The following GABRG2 variants were observed in gnomAD, a reference collection of about 807,000 sequenced individuals.
GABRG2 encodes gamma-aminobutyric acid type A receptor subunit gamma2.
GABRG2 carries 16 observed loss-of-function variants against 56.4 expected under a neutral mutation model. That is an observed-to-expected ratio of 0.28 (90% confidence interval 0.19 to 0.43). GABRG2 has a LOEUF of 0.43. GABRG2 is among the 20% of genes least tolerant of loss of function. GABRG2 has a pLI of 1.00. For missense variants in GABRG2, 327 were observed against 582.7 expected, an observed-to-expected ratio of 0.56 and a Z score of 4.52; for synonymous variants, 208 against 205.5, an observed-to-expected ratio of 1.01 and a Z score of -0.10.
At chr5:162,090,286 G>A (rs1041606931) in intron 1 of GABRG2, among the ~76,000 whole-genome samples, 35 of 150,704 alleles carry the variant, frequency 2.3e-4, no homozygotes, top group Non-Finnish European at 4.0e-4. Context: ...ACACTTACAC[G>A]TACATATACA....
At chr5:162,119,075 A>G (rs1355608658) in intron 6 of GABRG2, among the ~76,000 whole-genome samples, 1 of 152,132 alleles carries the variant, frequency 6.6e-6, no homozygotes, top group Non-Finnish European at 1.5e-5. Flanking sequence ...GAGAATTGAA[A>G]ATTAAACTTT....
At chr5:162,132,434 T>G (rs1763824549) in intron 6 of GABRG2, among the ~76,000 whole-genome samples, 1 of 152,024 alleles carries the variant, frequency 6.6e-6, no homozygotes, top group African/African-American at 2.4e-5. Flanking sequence ...ATTTTCTCTG[T>G]GAAATGCAGT....
intron 6 of GABRG2, among the ~76,000 whole-genome samples, chr5:162,109,482 C>A (rs1263162629): frequency 6.8e-6 from 1 of 147,890 alleles, no homozygotes; most frequent in African/African-American, 2.5e-5. Context: ...ACTTGCTTTA[C>A]TCCTCAGTCC....
chr5:162,101,371 T>C (rs1761403316), intron 5 of GABRG2, 54 bp downstream of exon 5: 2 of 1,175,322 alleles, frequency 1.7e-6, no homozygotes, highest in Non-Finnish European at 2.6e-6. Flanking sequence ...GTCTTTCTGA[T>C]TGCCATGTTA....
chr5:162,131,661 A>G (rs1763765875), intron 6 of GABRG2, among the ~76,000 whole-genome samples: 1 of 152,028 alleles, frequency 6.6e-6, no homozygotes. Context: ...GACTAAACTT[A>G]TATAGAATAA....
At position 162,081,869 on chromosome 5, in the gene GABRG2, A is replaced by G. The variant is rs552918351; in HGVS notation, c.108-11959A>G. The stretch of plus-strand genomic sequence containing the variant: ...CAGTTTAGGATTTTCTTATAAGGTT[A>G]AACATACACCTAACATATTACACAG... On this transcript the variant is annotated intron_variant, in intron 1 of 9. Transcript: ENST00000639213. Among the ~76,000 whole-genome samples the G allele has an allele frequency of 2.6e-5, 4 of 152,118 alleles. No homozygotes were observed. In the South Asian group the frequency reaches 8.3e-4, roughly 32 times the overall value.
intron 1 of GABRG2, among the ~76,000 whole-genome samples, chr5:162,078,961 T>C (rs1759425026): frequency 6.6e-6 from 1 of 150,604 alleles, no homozygotes; most frequent in Non-Finnish European, 1.5e-5. Flanking sequence ...AAAAAAATCT[T>C]TTATATATTA....
chr5:162,146,515 A>G (rs1764959206), intron 7 of GABRG2, among the ~76,000 whole-genome samples: 1 of 152,066 alleles, frequency 6.6e-6, no homozygotes, highest in Non-Finnish European at 1.5e-5. Context: ...TATCTCCCAA[A>G]AGTCATAATT....
intron 4 of GABRG2, chr5:162,100,316 A>T (rs577071306): frequency 3.6e-4 from 55 of 152,298 alleles, no homozygotes; most frequent in African/African-American, 1.1e-3. Flanking sequence ...TAATTAGAAA[A>T]TCTCTTAAAA....
intron 6 of GABRG2, among the ~76,000 whole-genome samples, chr5:162,137,525 A>G (rs994705242): frequency 1.3e-5 from 2 of 152,114 alleles, no homozygotes; most frequent in African/African-American, 4.8e-5. Context: ...TTGTATTTAT[A>G]AGTTCTTCAT....
intron 5 of GABRG2, chr5:162,102,821 A>T: frequency 4.4e-6 from 1 of 228,040 alleles, no homozygotes; most frequent in Non-Finnish European, 9.0e-6. Flanking sequence ...CCTTCTAGGG[A>T]CTCTCTCTTT....
At chr5:162,131,553 T>C (rs1763759830) in intron 6 of GABRG2, among the ~76,000 whole-genome samples, 1 of 151,936 alleles carries the variant, frequency 6.6e-6, no homozygotes, top group African/African-American at 2.4e-5. Context: ...TCTCAAACTT[T>C]GGTAGGAATA....
At chr5:162,109,461 G>A (rs1252307683) in intron 6 of GABRG2, among the ~76,000 whole-genome samples, 1 of 144,254 alleles carries the variant, frequency 6.9e-6, no homozygotes, top group Non-Finnish European at 1.5e-5. Context: ...TCTGCCTTGT[G>A]TTGCCTGGGC....
chr5:162,149,683 G>A (rs541897448), intron 8 of GABRG2: 11 of 549,572 alleles, frequency 2.0e-5, no homozygotes, highest in Middle Eastern at 3.2e-4. Flanking sequence ...GCGGGATCTC[G>A]GCTTACTGCA....
At chr5:162,112,218 A>G (rs1280367905) in intron 6 of GABRG2, among the ~76,000 whole-genome samples, 1 of 151,894 alleles carries the variant, frequency 6.6e-6, no homozygotes, top group Admixed American at 6.6e-5. Flanking sequence ...TTTAAGATTA[A>G]TATTTTTGAC....
chr5:162,103,351 T>C, intron 5 of GABRG2: 1 of 159,098 alleles, frequency 6.3e-6, no homozygotes, highest in East Asian at 1.8e-4. Flanking sequence ...TGTATTTCTG[T>C]GTATATTAAA....
chr5:162,092,098 G>A (rs1268298285), intron 1 of GABRG2, among the ~76,000 whole-genome samples: 1 of 152,054 alleles, frequency 6.6e-6, no homozygotes. Flanking sequence ...TAAGATTTGG[G>A]TCAGAGGATT....
intron 1 of GABRG2, among the ~76,000 whole-genome samples, chr5:162,078,280 G>A (rs1759307583): frequency 6.9e-6 from 1 of 144,786 alleles, no homozygotes; most frequent in Non-Finnish European, 1.5e-5. Flanking sequence ...CACAAATAGT[G>A]TTATGCCACA....
At chr5:162,132,678 T>C (rs1763842801) in intron 6 of GABRG2, among the ~76,000 whole-genome samples, 1 of 152,058 alleles carries the variant, frequency 6.6e-6, no homozygotes, top group South Asian at 2.1e-4. Context: ...GCTAATTTTC[T>C]CATCAAAGTT....
Sources: gnomAD v4.1 joint callset for allele counts (sites outside exome capture counted in the v4.1 genomes callset) on GRCh38, gnomAD v4.1.1 for gene constraint, MANE v1.5 for transcripts, NCBI Gene and HGNC (gene_info 2026-07-23, HGNC 2026-07-21) for gene names.